The following TMED6 variants were observed in gnomAD, a reference collection of about 807,000 sequenced individuals.
TMED6 encodes the protein transmembrane emp24 domain-containing protein 6.
A neutral mutation model predicts 26.5 loss-of-function variants in TMED6; 17 were observed. The observed-to-expected ratio is 0.64, with a 90% CI of 0.44 to 0.96. TMED6 has a LOEUF of 0.96. TMED6 is among the 40% of genes least tolerant of loss of function. The probability of loss-of-function intolerance (pLI) is 0.00; values close to 1 mark genes in which losing one functional copy is unlikely to be tolerated. For missense variants in TMED6, 309 were observed against 296.5 expected, an observed-to-expected ratio of 1.04 and a Z score of -0.31; for synonymous variants, 107 against 106.2, an observed-to-expected ratio of 1.01 and a Z score of -0.04.
At chr16:69,347,455 G>A (rs574293489) in intron 3 of TMED6, among the ~76,000 whole-genome samples, 19 of 152,284 alleles carry the variant, frequency 1.2e-4, no homozygotes, top group African/African-American at 4.1e-4. Context: ...GCCTCCCAGG[G>A]TTCAAGCGAT....
In TMED6 at chr16:69,348,175, G is replaced by A. The variant is rs1220557930; in HGVS notation, c.341-239C>T. 1.3e-5 allele frequency: 5 copies of A among 372,766 alleles called. No homozygotes were observed. The East Asian group carries it at 2.2e-4, about 16-fold the overall frequency. The allele number at this position is 372,766 out of a possible 1,614,324, so 23.1% of individuals were successfully genotyped here. ...CTCGTTCTTTCCATACTGGGTAGTG[G>A]CAAACAATGTTTTCTCTTTAACATA... On this transcript the variant is annotated intron_variant, in intron 2 of 3. Coordinates refer to ENST00000288025, the MANE Select transcript of TMED6 (RefSeq NM_144676.4).
chr16:69,350,140 C>T (rs939887863), intron 1 of TMED6, among the ~76,000 whole-genome samples: 4 of 151,518 alleles, frequency 2.6e-5, no homozygotes, highest in Non-Finnish European at 4.4e-5. Flanking sequence ...GGCATGGTGG[C>T]GTGCGCCTAT....
intron 2 of TMED6, 144 bp from the exon 3 acceptor site, chr16:69,348,080 A>G (rs1366553835): frequency 1.2e-6 from 1 of 862,874 alleles, no homozygotes; most frequent in South Asian, 1.9e-5. Context: ...CGTTTTTGAC[A>G]TGGAAGACAC....
chr16:69,345,067 T>G (rs2012661904), intron 3 of TMED6, among the ~76,000 whole-genome samples: 1 of 151,732 alleles, frequency 6.6e-6, no homozygotes, highest in Non-Finnish European at 1.5e-5. Flanking sequence ...CCAGCCTAGG[T>G]GACAAAGCGA....
At chr16:69,350,291 C>T (rs1279784595) in intron 1 of TMED6, among the ~76,000 whole-genome samples, 1 of 147,628 alleles carries the variant, frequency 6.8e-6, no homozygotes, top group Non-Finnish European at 1.5e-5. Context: ...AAAAAAAGTA[C>T]GATTCTGGCT....
In TMED6 at chr16:69,349,456, TTCC is replaced by T. The variant is rs889471177; in HGVS notation, c.340+66_340+68del. Reference sequence around the variant, plus strand: ...CTACTGTTAAAACATCTCTGTATACTTCCTCATTATTTCTGTAATTTCATAGGA... The same window carrying T: ...CTACTGTTAAAACATCTCTGTATACTTCATTATTTCTGTAATTTCATAGGA... On this transcript the variant is annotated intron_variant, in intron 2 of 3. Transcript: ENST00000288025. The T allele has an allele frequency of 8.6e-5, 134 of 1,550,478 alleles. No individual in the cohort carries two copies. The Admixed American group carries it at 2.2e-3, about 25-fold the overall frequency.
chr16:69,349,781 T>TG, intron 1 of TMED6, 130 bp from the exon 2 acceptor site: 1 of 1,150,214 alleles, frequency 8.7e-7, no homozygotes, highest in South Asian at 1.5e-5. Context: ...CCCAACCCCC[T>TG]GCTGGGGTTT....
At chr16:69,344,664 T>G (rs2012653099) in intron 3 of TMED6, among the ~76,000 whole-genome samples, 1 of 150,458 alleles carries the variant, frequency 6.6e-6, no homozygotes, top group African/African-American at 2.5e-5. Flanking sequence ...TCCCAGCTAC[T>G]CGGGAGGCTG....
In TMED6 at chr16:69,347,928, G is replaced by A; in HGVS notation, c.349C>T (p.Gln117Ter). 1 of 1,613,852 alleles carries A rather than the reference G, an allele frequency of 6.2e-7. No individual in the cohort carries two copies. The highest frequency in any genetic ancestry group is 8.5e-7 in the Non-Finnish European group (1 of 1,179,926). Residue 117 changes from glutamine (Q) to a stop codon, truncating the protein, a stop_gained, in exon 3 of 4, where the codon CAG becomes TAG. Coordinates refer to ENST00000288025, the MANE Select transcript of TMED6 (RefSeq NM_144676.4). LOFTEE classifies it high-confidence loss of function. ...NFSTQETGFY[Q>*]LCLSNQHNHF... Reference sequence around the variant, plus strand: ...TTATGCTGATTACTTAGACAAAGCTGATAAAAACCTGTAGGAATTCTTAGA... The same window carrying A: ...TTATGCTGATTACTTAGACAAAGCTAATAAAAACCTGTAGGAATTCTTAGA...
chr16:69,351,512 C>A lies in TMED6; in HGVS notation c.213+29G>T. On this transcript the variant is annotated intron_variant, in intron 1 of 3. Coordinates refer to ENST00000288025, the MANE Select transcript of TMED6 (RefSeq NM_144676.4). ...TATGAGTAAAGGAGAAAAAAAAAAGCCCCCCAGTATGGCCAGTCACCCACA... is the reference window on the plus strand; with the variant it reads ...TATGAGTAAAGGAGAAAAAAAAAAGACCCCCAGTATGGCCAGTCACCCACA... 4 of 1,590,918 alleles carry A rather than the reference C, an allele frequency of 2.5e-6. No homozygotes were observed. The Admixed American group carries it at 5.3e-5, about 21-fold the overall frequency.
intron 1 of TMED6, 22 bp downstream of exon 1, chr16:69,351,519 G>T: frequency 6.2e-7 from 1 of 1,609,844 alleles, no homozygotes; most frequent in Non-Finnish European, 8.5e-7. Flanking sequence ...AAGCCCCCCA[G>T]TATGGCCAGT....
At chr16:69,347,020 A>C (rs746903435) in intron 3 of TMED6, among the ~76,000 whole-genome samples, 4 of 152,174 alleles carry the variant, frequency 2.6e-5, no homozygotes, top group African/African-American at 2.4e-5. Context: ...AGCCTGGACA[A>C]GAGTGAGACC....
chr16:69,343,767 A>G (rs2012630436), intron 3 of TMED6, 127 bp from the exon 4 acceptor site: 2 of 725,942 alleles, frequency 2.8e-6, no homozygotes, highest in Admixed American at 2.6e-5. Flanking sequence ...GTACAATACA[A>G]TGATAGTTGT....
At position 69,343,570 on chromosome 16, in the gene TMED6, T is replaced by C. The variant is rs765265088; in HGVS notation, c.560A>G (p.Lys187Arg). 1 of 1,614,220 alleles carries C rather than the reference T, an allele frequency of 6.2e-7. No homozygotes were observed. Among genetic ancestry groups the C allele is most frequent in the Non-Finnish European group, 8.5e-7 (1 of 1,180,042 alleles). Reference sequence around the variant, plus strand: ...TTGGATAAGGAAAAAGTCAGCCATTTTCCTCATCCGGGCAAAGTTGTAGTA... The same window carrying C: ...TTGGATAAGGAAAAAGTCAGCCATTCTCCTCATCCGGGCAAAGTTGTAGTA... The part of the protein sequence containing the change: ...WRYYNFARMR[K>R]MADFFLIQSN... Residue 187 changes from lysine (K) to arginine (R), a missense_variant, in exon 4 of 4, where the codon AAA (lysine) becomes AGA (arginine). Physicochemically the swap from Lys to Arg is conservative, Grantham distance 26. Transcript: ENST00000288025.
chr16:69,349,559 A>G lies in TMED6; in HGVS notation c.306T>C (p.Val102=). The G allele has an allele frequency of 6.2e-7, 1 of 1,613,934 alleles. No homozygotes were observed. Among genetic ancestry groups the G allele is most frequent in the Non-Finnish European group, 8.5e-7 (1 of 1,179,946 alleles). Residue 102 remains valine (V), a synonymous_variant, in exon 2 of 4, where the codon GTT becomes GTC. Transcript: ENST00000288025. ...GGGTAGAGAAGTTAATCTGGCCCCG[A>G]ACACCCTGGGAGGTGTCTATGAGAA... ...QGFLIDTSQG[V]RGQINFSTQE... is the part of the protein sequence containing the mutation.
rs370362903 is a variant in TMED6, at chr16:69,349,645, G to A, written c.220C>T (p.Arg74Trp). 6.8e-6 allele frequency: 11 copies of A among 1,613,028 alleles called. No individual in the cohort carries two copies. The Admixed American group carries it at 8.3e-5, about 12-fold the overall frequency. The change falls in exon 2 of 4, where the codon CGG (arginine) becomes TGG (tryptophan). Residue 74 changes from arginine (R) to tryptophan (W), a missense_variant. Arg to Trp is a moderately radical substitution (Grantham distance 101). Transcript: ENST00000288025. ...GYFYFSYEVQRTVGMSHDRHV... is the reference protein window; with the variant it reads ...GYFYFSYEVQWTVGMSHDRHV... ...CGGTCATGTGACATCCCCACTGTCCGCTGAACCTGCCAAGACACATTAAAT... is the reference window on the plus strand; with the variant it reads ...CGGTCATGTGACATCCCCACTGTCCACTGAACCTGCCAAGACACATTAAAT...
chr16:69,344,122 T>C (rs1277607979), intron 3 of TMED6, among the ~76,000 whole-genome samples: 3 of 152,164 alleles, frequency 2.0e-5, no homozygotes, highest in African/African-American at 7.2e-5. Context: ...CATGAGCCAC[T>C]GCCCCGGCCT....
intron 3 of TMED6, among the ~76,000 whole-genome samples, chr16:69,346,550 G>A (rs1224634225): frequency 6.6e-6 from 1 of 152,088 alleles, no homozygotes; most frequent in Non-Finnish European, 1.5e-5. Context: ...AATCACCTGA[G>A]GTCAGGAATT....
chr16:69,347,766 C>A lies in TMED6; in HGVS notation c.489+22G>T, dbSNP rs768723724. On this transcript the variant is annotated intron_variant, in intron 3 of 3. Transcript: ENST00000288025. ...AAAATCAGTTTCCACAGATGTTTCT[C>A]TTCCACAAAACACTTCCTTACCTCA... 3 of 1,612,820 alleles carry A rather than the reference C, an allele frequency of 1.9e-6. No individual in the cohort carries two copies. In the East Asian group the frequency reaches 6.7e-5, roughly 36 times the overall value.
Sources: allele counts gnomAD v4.1 joint callset (sites outside exome capture counted in the v4.1 genomes callset), GRCh38; gene constraint gnomAD v4.1.1; transcripts MANE v1.5; gene names NCBI Gene and HGNC (gene_info 2026-07-23, HGNC 2026-07-21).